SEMA3A: variants seen among roughly 807,000 people sequenced by gnomAD.
SEMA3A encodes semaphorin 3A.
Under a neutral mutation model 97.9 loss-of-function variants are expected in SEMA3A, and 29 were observed. That is an observed-to-expected ratio of 0.30 (90% confidence interval 0.22 to 0.40). SEMA3A has a LOEUF of 0.40. SEMA3A is among the 10% of genes least tolerant of loss of function. SEMA3A has a pLI of 1.00. For synonymous variants in SEMA3A, 321 were observed against 323.7 expected, an observed-to-expected ratio of 0.99 and a Z score of 0.09; for missense variants, 763 against 951.3, an observed-to-expected ratio of 0.80 and a Z score of 2.60.
Position 84,328,425 on chromosome 7 carries a change from G to C in SEMA3A, c.-168-21133C>G, listed in dbSNP as rs557451732. On this transcript the variant is annotated intron_variant, in intron 2 of 3. Coordinates refer to the SEMA3A transcript ENST00000424555. ...AGAAACAGTCAAAGAGAAAGAAAAT[G>C]AAAGAGCAGGAGATAGAGGGGAAGA... 2.2e-4 allele frequency among the ~76,000 whole-genome samples: 33 copies of C among 152,100 alleles called. No homozygotes were observed. The South Asian group carries it at 5.2e-3, about 24-fold the overall frequency.
intron 1 of SEMA3A, among the ~76,000 whole-genome samples, chr7:84,143,943 T>TAACACACACA (rs1460104047): frequency 2.4e-5 from 3 of 126,834 alleles, no homozygotes; most frequent in Middle Eastern, 3.5e-3. Context: ...TCTCTCTCTC[T>TAACACACACA]CTCTCTAACA....
At chr7:84,324,213 C>A (rs1049557386) in intron 2 of SEMA3A, among the ~76,000 whole-genome samples, 1 of 152,112 alleles carries the variant, frequency 6.6e-6, no homozygotes, top group African/African-American at 2.4e-5. Flanking sequence ...CTACAGCAGC[C>A]TGACTTAGGT....
chr7:84,422,691 T>A (rs1261761452), intron 1 of SEMA3A, among the ~76,000 whole-genome samples: 1 of 152,124 alleles, frequency 6.6e-6, no homozygotes, highest in African/African-American at 2.4e-5. Context: ...TTTAGCTGTG[T>A]CCCAGAGATT....
chr7:84,401,919 A>T (rs1332514415), intron 1 of SEMA3A, among the ~76,000 whole-genome samples: 1 of 152,176 alleles, frequency 6.6e-6, no homozygotes, highest in African/African-American at 2.4e-5. Context: ...AAACAGAGAA[A>T]TGCTTCAGGA....
At chr7:84,206,409 G>C (rs1029853533) in intron 3 of SEMA3A, among the ~76,000 whole-genome samples, 2 of 145,516 alleles carry the variant, frequency 1.4e-5, no homozygotes, top group African/African-American at 2.6e-5. Flanking sequence ...TGCAAGCTCC[G>C]CCTGCAGGGT....
chr7:84,484,109 A>G (rs998294675), intron 1 of SEMA3A, among the ~76,000 whole-genome samples: 2 of 152,026 alleles, frequency 1.3e-5, no homozygotes, highest in African/African-American at 4.8e-5. Context: ...GAAAGTTCAT[A>G]ATTTCCAAAA....
At chr7:84,198,272 C>T (rs527795934), upstream of SEMA3A, among the ~76,000 whole-genome samples, 5 of 151,396 alleles carry the variant, frequency 3.3e-5, no homozygotes, top group Admixed American at 6.6e-5. Flanking sequence ...CTCGACTCAC[C>T]GCAACCTCCA....
rs149209442 is a variant in SEMA3A, at chr7:84,039,577, A to G, written c.667+6747T>C. ...AGTATGGTAGAGTTTAATATTGGAG[A>G]GGTCACTTAGGATTAGATGATAAAG... On this transcript the variant is annotated intron_variant, in intron 6 of 16. Transcript: ENST00000265362. Among the ~76,000 whole-genome samples, 672 of 152,224 alleles carry G rather than the reference A, an allele frequency of 4.4e-3. 7 individuals are homozygous for G. The highest frequency in any genetic ancestry group is 0.015 in the African/African-American group (641 of 41,554).
chr7:84,232,238 T>C (rs1372830816), intron 3 of SEMA3A, among the ~76,000 whole-genome samples: 1 of 148,106 alleles, frequency 6.8e-6, no homozygotes, highest in Non-Finnish European at 1.5e-5. Flanking sequence ...ACAAATTATA[T>C]ATATATTTAT....
At chr7:84,230,155 C>T (rs963637478) in intron 3 of SEMA3A, among the ~76,000 whole-genome samples, 1 of 151,912 alleles carries the variant, frequency 6.6e-6, no homozygotes. Context: ...GGCCTTTACT[C>T]AACTCTTACT....
chr7:84,193,433 T>C (rs1033059827), intron 1 of SEMA3A, among the ~76,000 whole-genome samples: 6 of 152,070 alleles, frequency 3.9e-5, no homozygotes, highest in African/African-American at 1.4e-4. Context: ...ATAAGCTTAA[T>C]TAGAGCTTCT....
rs180906811 is a variant in SEMA3A at position 84,156,618 on chromosome 7, G to T, written c.113-21667C>A. Among the ~76,000 whole-genome samples, 57 of 152,204 alleles carry T rather than the reference G, an allele frequency of 3.7e-4. 2 individuals are homozygous for T. In the East Asian group the frequency reaches 0.01, roughly 28 times the overall value. On this transcript the variant is annotated intron_variant, in intron 1 of 16. Coordinates refer to ENST00000265362, the MANE Select transcript of SEMA3A (RefSeq NM_006080.3). ...GATTCTACGTATGTGGCATGTTTCT[G>T]TGGGAAAGTTTGTATGCATGCGAGT...
intron 6 of SEMA3A, among the ~76,000 whole-genome samples, chr7:84,018,440 T>C (rs1005286899): frequency 6.6e-6 from 1 of 152,174 alleles, no homozygotes; most frequent in Non-Finnish European, 1.5e-5. Context: ...TAAGGTAAAA[T>C]TTTTTTGTCT....
chr7:83,967,084 T>C (rs752954964), intron 15 of SEMA3A, among the ~76,000 whole-genome samples: 50 of 152,184 alleles, frequency 3.3e-4, no homozygotes, highest in Non-Finnish European at 5.7e-4. Context: ...CATCAGCAGC[T>C]TCTGACTTAG....
intron 1 of SEMA3A, among the ~76,000 whole-genome samples, chr7:84,416,860 C>T (rs980068252): frequency 2.6e-5 from 4 of 152,070 alleles, no homozygotes; most frequent in Non-Finnish European, 5.9e-5. Context: ...AAAAGACAAA[C>T]TTTCAGAAGA....
intron 1 of SEMA3A, among the ~76,000 whole-genome samples, chr7:84,461,807 A>G (rs1029603856): frequency 6.6e-6 from 1 of 152,176 alleles, no homozygotes; most frequent in Admixed American, 6.5e-5. Context: ...ATGTACAACA[A>G]ATTTAAGATT....
At chr7:84,257,928 T>C (rs910305822) in intron 3 of SEMA3A, among the ~76,000 whole-genome samples, 1 of 152,212 alleles carries the variant, frequency 6.6e-6, no homozygotes, top group Non-Finnish European at 1.5e-5. Context: ...ATTAGACATA[T>C]AAACAGAATG....
chr7:83,985,225 AAC>A (rs1437008174), intron 13 of SEMA3A, among the ~76,000 whole-genome samples: 1 of 152,156 alleles, frequency 6.6e-6, no homozygotes, highest in Admixed American at 6.6e-5. Flanking sequence ...ATGTTTATAG[AAC>A]ACAGATGAGA....
chr7:84,405,797 T>G (rs1159502612), intron 1 of SEMA3A, among the ~76,000 whole-genome samples: 1 of 152,186 alleles, frequency 6.6e-6, no homozygotes, highest in Non-Finnish European at 1.5e-5. Flanking sequence ...CCTGAATGAC[T>G]ACTGGGTACA....
Sources: gnomAD v4.1 joint callset for allele counts (sites outside exome capture counted in the v4.1 genomes callset) on GRCh38, gnomAD v4.1.1 for gene constraint, MANE v1.5 for transcripts, NCBI Gene and HGNC (gene_info 2026-07-23, HGNC 2026-07-21) for gene names.